Variants in GLUD1 observed in about 807,000 individuals in gnomAD.
GLUD1 encodes the protein glutamate dehydrogenase 1, also known as glutamate dehydrogenase 1, mitochondrial.
GLUD1 carries 22 observed loss-of-function variants against 56.0 expected under a neutral mutation model. The observed-to-expected ratio is 0.39, with a 90% CI of 0.28 to 0.56. The LOEUF is 0.56. Among genes scored for constraint, GLUD1 ranks in the 20% least tolerant of loss-of-function variants. The probability of loss-of-function intolerance (pLI) is 0.58; values close to 1 mark genes in which losing one functional copy is unlikely to be tolerated. For missense variants in GLUD1, 451 were observed against 732.0 expected (o/e 0.62, Z 4.43); for synonymous variants, 223 against 269.9 (o/e 0.83, Z 1.70).
intron 1 of GLUD1, chr10:87,093,850 T>C (rs1229295331): frequency 9.0e-7 from 1 of 1,111,468 alleles, no homozygotes; most frequent in Non-Finnish European, 1.2e-6. Flanking sequence ...TTTTCTATGT[T>C]CGGATATCAT....
chr10:87,063,829 G>A (rs1845998987), intron 5 of GLUD1, among the ~76,000 whole-genome samples: 1 of 152,068 alleles, frequency 6.6e-6, no homozygotes, highest in Non-Finnish European at 1.5e-5. Context: ...GCTCTGCAAA[G>A]TGGAGATGGG....
chr10:87,072,054 C>T (rs533868953), intron 4 of GLUD1, among the ~76,000 whole-genome samples: 1 of 152,300 alleles, frequency 6.6e-6, no homozygotes, highest in East Asian at 1.9e-4. Flanking sequence ...GGGAAGACTG[C>T]TTGAGCTCAG....
chr10:87,093,938 C>T, intron 1 of GLUD1: 4 of 1,360,646 alleles, frequency 2.9e-6, no homozygotes, highest in Non-Finnish European at 3.9e-6. Flanking sequence ...CTCACAAAAG[C>T]CCAAGAACAC....
At chr10:87,073,062 T>C (rs1213729019) in intron 4 of GLUD1, among the ~76,000 whole-genome samples, 5 of 152,260 alleles carry the variant, frequency 3.3e-5, no homozygotes, top group Non-Finnish European at 5.9e-5. Context: ...GAGTTACCTA[T>C]ACTTACTGTA....
chr10:87,066,278 G>A (rs1015792586), intron 5 of GLUD1, among the ~76,000 whole-genome samples: 8 of 151,984 alleles, frequency 5.3e-5, no homozygotes, highest in African/African-American at 1.9e-4. Context: ...CTTGCAGTCC[G>A]GGCCCCTGTA....
chr10:87,077,672 G>A (rs1846437089), intron 1 of GLUD1, among the ~76,000 whole-genome samples: 1 of 151,628 alleles, frequency 6.6e-6, no homozygotes, highest in South Asian at 2.1e-4. Context: ...TCAAAGTTTT[G>A]GAGTGCTAAT....
At chr10:87,087,225 G>A (rs1360896649) in intron 1 of GLUD1, among the ~76,000 whole-genome samples, 1 of 152,208 alleles carries the variant, frequency 6.6e-6, no homozygotes, top group Admixed American at 6.5e-5. Context: ...ACAGGGCCAT[G>A]TCTGGAATGT....
At chr10:87,085,513 A>G (rs1298679121) in intron 1 of GLUD1, among the ~76,000 whole-genome samples, 1 of 152,200 alleles carries the variant, frequency 6.6e-6, no homozygotes, top group Non-Finnish European at 1.5e-5. Context: ...CTTTCTGGGA[A>G]GCAAATGTTT....
chr10:87,087,340 C>A (rs1841407128), intron 1 of GLUD1, among the ~76,000 whole-genome samples: 1 of 152,196 alleles, frequency 6.6e-6, no homozygotes, highest in Non-Finnish European at 1.5e-5. Flanking sequence ...TCCCCATACT[C>A]CAGCCATCAG....
chr10:87,064,135 G>C (rs976605204), intron 5 of GLUD1, among the ~76,000 whole-genome samples: 2 of 152,026 alleles, frequency 1.3e-5, no homozygotes, highest in Admixed American at 6.6e-5. Context: ...GGATGGTCTC[G>C]ATCTCCTGAC....
chr10:87,058,250 T>C (rs1468182008), intron 10 of GLUD1, among the ~76,000 whole-genome samples: 2 of 152,336 alleles, frequency 1.3e-5, no homozygotes, highest in African/African-American at 2.4e-5. Flanking sequence ...CAATTTCCTA[T>C]ATAAATGTGA....
At chr10:87,084,318 A>G (rs1841332819) in intron 1 of GLUD1, among the ~76,000 whole-genome samples, 1 of 152,240 alleles carries the variant, frequency 6.6e-6, no homozygotes. Flanking sequence ...GCAACTATAT[A>G]CAGTACAAAG....
intron 1 of GLUD1, among the ~76,000 whole-genome samples, chr10:87,081,959 A>G (rs899142705): frequency 7.9e-5 from 12 of 151,510 alleles, no homozygotes; most frequent in African/African-American, 2.7e-4. Flanking sequence ...AAAAAAAAAA[A>G]AAAAGAAAAA....
rs942694203 is a variant in GLUD1, at chr10:87,060,213, G to A, written c.1226C>T (p.Thr409Ile). 6.2e-7 allele frequency: 1 copy of A among 1,611,838 alleles called. No individual in the cohort carries two copies. Among genetic ancestry groups the A allele is most frequent in the African/African-American group, 1.3e-5 (1 of 74,854 alleles). ...GAAGATCTTGTCAGCTTCTGGAGTT[G>A]TTGGCCCATTGGCACCTTCAGCAAT... ...KIIAEGANGPTTPEADKIFLE... is the reference protein window; with the variant it reads ...KIIAEGANGPITPEADKIFLE... The change falls in exon 9 of 13, where the codon ACA (threonine) becomes ATA (isoleucine). Residue 409 changes from threonine (T) to isoleucine (I), a missense_variant. Physicochemically the swap from Thr to Ile is moderately conservative, Grantham distance 89. Coordinates refer to ENST00000277865, the MANE Select transcript of GLUD1 (RefSeq NM_005271.5).
intron 1 of GLUD1, among the ~76,000 whole-genome samples, chr10:87,085,519 T>A (rs747036010): frequency 6.6e-6 from 1 of 152,088 alleles, no homozygotes; most frequent in Non-Finnish European, 1.5e-5. Context: ...GGGAAGCAAA[T>A]GTTTAGCTGA....
intron 11 of GLUD1, among the ~76,000 whole-genome samples, chr10:87,057,062 C>T (rs1845798237): frequency 6.6e-6 from 1 of 152,100 alleles, no homozygotes; most frequent in South Asian, 2.1e-4. Flanking sequence ...GCAATCTCGG[C>T]TAACTGCAAC....
intron 1 of GLUD1, among the ~76,000 whole-genome samples, chr10:87,085,454 G>A (rs1041239461): frequency 6.6e-6 from 1 of 151,748 alleles, no homozygotes; most frequent in African/African-American, 2.4e-5. Context: ...TTTTAATCCA[G>A]TCTAAATCTT....
rs1002484329 is a variant in GLUD1, at chr10:87,094,057, C to A, written c.445+268G>T. The A allele has an allele frequency of 3.2e-5, 49 of 1,509,832 alleles. No homozygotes were observed. The Admixed American group carries it at 9.6e-4, about 30-fold the overall frequency. The allele number at this position is 1,509,832 out of a possible 1,614,324, so 93.5% of individuals were successfully genotyped here. On this transcript the variant is annotated intron_variant, in intron 1 of 12. Transcript: ENST00000277865. This position sits in a 1 kb window ranked among gnomAD's most constrained non-coding sequence, Gnocchi z 6.6. ...CGGGACCAAAAGGAGACCGGTGCAG[C>A]GTCTACTCTGCATGCAAGATCAGCA...
chr10:87,094,161 T>A lies in GLUD1; in HGVS notation c.445+164A>T. On this transcript the variant is annotated intron_variant, in intron 1 of 12. Coordinates refer to ENST00000277865, the MANE Select transcript of GLUD1 (RefSeq NM_005271.5). This position sits in a 1 kb window ranked among gnomAD's most constrained non-coding sequence, Gnocchi z 6.6. ...TGATTTTAAGGCGGAAAAATCACCA[T>A]CCACAGAGCCGGCCACATCCGAGGC... 7.1e-7 allele frequency: 1 copy of A among 1,410,510 alleles called. No homozygotes were observed. Among genetic ancestry groups the A allele is most frequent in the Non-Finnish European group, 9.4e-7 (1 of 1,063,754 alleles). The allele number at this position is 1,410,510 out of a possible 1,614,324, so 87.4% of individuals were successfully genotyped here.
Sources: gnomAD v4.1 joint callset for allele counts (sites outside exome capture counted in the v4.1 genomes callset) on GRCh38, gnomAD v4.1.1 for gene constraint, Gnocchi (gnomAD v3.1) non-coding constraint, MANE v1.5 for transcripts, NCBI Gene and HGNC (gene_info 2026-07-23, HGNC 2026-07-21) for gene names.